The following FER1L6 variants were observed in gnomAD, a reference collection of about 807,000 sequenced individuals.
FER1L6 encodes fer-1-like protein 6.
Under a neutral mutation model 219.2 loss-of-function variants are expected in FER1L6, and 177 were observed. That is an observed-to-expected ratio of 0.81 (90% CI 0.71 to 0.91). FER1L6 has a LOEUF of 0.91. FER1L6 is among the 40% of genes least tolerant of loss of function. FER1L6 has a pLI of 0.00. For synonymous variants in FER1L6, 768 were observed against 824.3 expected (o/e 0.93, Z 1.17); for missense variants, 2,153 against 2,259.9 (o/e 0.95, Z 0.96).
rs1823020140 is a variant in FER1L6 at position 124,111,439 on chromosome 8, G to C, written c.5290-7405G>C. The stretch of plus-strand genomic sequence containing the variant: ...CTCTTGTTATAGGAAAGGGGTCCCA[G>C]CCCAGACCCCAAGAGAGGGCTCTTG... On this transcript the variant is annotated intron_variant, in intron 39 of 40. Coordinates refer to ENST00000522917, the MANE Select transcript of FER1L6 (RefSeq NM_001039112.2). This position sits in a 1 kb window ranked among gnomAD's most constrained non-coding sequence, Gnocchi z 5.0. Among the ~76,000 whole-genome samples, 1 of 152,174 alleles carries C rather than the reference G, an allele frequency of 6.6e-6. No individual in the cohort carries two copies. Among genetic ancestry groups the C allele is most frequent in the African/African-American group, 2.4e-5 (1 of 41,430 alleles).
chr8:123,978,339 G>A (rs768949367), intron 10 of FER1L6, among the ~76,000 whole-genome samples: 2 of 152,096 alleles, frequency 1.3e-5, no homozygotes, highest in Non-Finnish European at 1.5e-5. Flanking sequence ...GCCTGAGAGC[G>A]CAGGAATAGC....
At chr8:123,893,531 G>A (rs887937291) in intron 1 of FER1L6, among the ~76,000 whole-genome samples, 1 of 152,170 alleles carries the variant, frequency 6.6e-6, no homozygotes, top group African/African-American at 2.4e-5. Context: ...CAGGATTTGA[G>A]TCATATTTCT....
intron 1 of FER1L6, among the ~76,000 whole-genome samples, chr8:123,885,635 C>T (rs2129678238): frequency 6.6e-6 from 1 of 152,286 alleles, no homozygotes; most frequent in Non-Finnish European, 1.5e-5. Flanking sequence ...CCACAGGAAG[C>T]TGTTCAATGT....
chr8:123,874,100 A>G (rs959086736), intron 1 of FER1L6, among the ~76,000 whole-genome samples: 3 of 152,122 alleles, frequency 2.0e-5, no homozygotes, highest in Admixed American at 6.5e-5. Flanking sequence ...CTTTCTATCT[A>G]TCCTTTGCCT....
intron 1 of FER1L6, among the ~76,000 whole-genome samples, chr8:123,875,807 T>A (rs1816997017): frequency 6.6e-6 from 1 of 152,154 alleles, no homozygotes; most frequent in African/African-American, 2.4e-5. Context: ...CTTTCATACA[T>A]ACCATTTCCA....
At chr8:123,927,124 T>C (rs4871431) in intron 1 of FER1L6, among the ~76,000 whole-genome samples, 61,191 of 150,890 alleles carry the variant, frequency 0.41, 12,777 homozygotes, top group South Asian at 0.52. Context: ...CAGAGAACTT[T>C]TGTAATTTGC....
chr8:123,963,865 G>T (rs1020593000), intron 3 of FER1L6, among the ~76,000 whole-genome samples: 4 of 152,230 alleles, frequency 2.6e-5, no homozygotes, highest in Non-Finnish European at 5.9e-5. Context: ...CCCCAGATCT[G>T]TGGCTTAATA....
At chr8:123,902,053 T>C (rs1812868712) in intron 1 of FER1L6, among the ~76,000 whole-genome samples, 1 of 152,140 alleles carries the variant, frequency 6.6e-6, no homozygotes, top group Non-Finnish European at 1.5e-5. Context: ...CATCTTGATT[T>C]CGTTTTTGAC....
chr8:124,119,824 C>A lies in FER1L6; in HGVS notation c.*34C>A. The A allele has an allele frequency of 6.2e-7, 1 of 1,601,718 alleles. No individual in the cohort carries two copies. Among genetic ancestry groups the A allele is most frequent in the Non-Finnish European group, 8.5e-7 (1 of 1,173,792 alleles). On this transcript the variant is annotated 3_prime_UTR_variant, in exon 41 of 41. Transcript: ENST00000522917. ...GGAGGACCCAGATCCTCGCCATATACTAATCCTCTCTTCCTTATCTGGGAG... is the reference window on the plus strand; with the variant it reads ...GGAGGACCCAGATCCTCGCCATATAATAATCCTCTCTTCCTTATCTGGGAG...
chr8:124,021,731 T>C, intron 17 of FER1L6, 62 bp downstream of exon 17: 1 of 1,593,246 alleles, frequency 6.3e-7, no homozygotes, highest in Non-Finnish European at 8.6e-7. Flanking sequence ...CCAGGGAGGT[T>C]TGAATGGTTG....
intron 1 of FER1L6, among the ~76,000 whole-genome samples, chr8:123,875,269 A>G (rs1309982968): frequency 2.0e-5 from 3 of 152,120 alleles, no homozygotes; most frequent in African/African-American, 4.8e-5. Context: ...CTATTTTCCA[A>G]TTCTCTCTTG....
intron 1 of FER1L6, among the ~76,000 whole-genome samples, chr8:123,936,625 T>C (rs545518855): frequency 6.8e-4 from 103 of 152,286 alleles, no homozygotes; most frequent in African/African-American, 2.5e-3. Context: ...ATATGTAGCA[T>C]TCATGCTGTC....
At chr8:123,906,752 A>G (rs1218406118) in intron 1 of FER1L6, among the ~76,000 whole-genome samples, 2 of 151,596 alleles carry the variant, frequency 1.3e-5, no homozygotes, top group Non-Finnish European at 2.9e-5. Context: ...GTGAACCAAG[A>G]TCACGCCACT....
At chr8:123,876,411 T>G (rs954546361) in intron 1 of FER1L6, among the ~76,000 whole-genome samples, 2 of 152,102 alleles carry the variant, frequency 1.3e-5, no homozygotes, top group African/African-American at 2.4e-5. Context: ...CTTGACCTCC[T>G]GGGCTCAAGA....
intron 8 of FER1L6, 35 bp from the exon 9 acceptor site, chr8:123,975,863 G>T: frequency 6.7e-7 from 1 of 1,496,652 alleles, no homozygotes; most frequent in Non-Finnish European, 9.0e-7. Context: ...CTTCAATTGA[G>T]AGAGCTTTTT....
At chr8:123,996,003 A>G (rs1817114973) in intron 12 of FER1L6, among the ~76,000 whole-genome samples, 1 of 152,172 alleles carries the variant, frequency 6.6e-6, no homozygotes, top group Non-Finnish European at 1.5e-5. Flanking sequence ...GTCTTATTCT[A>G]TTGTAATCAG....
Position 123,898,868 on chromosome 8 carries a change from CAT to C in FER1L6, c.-8+46696_-8+46697del, listed in dbSNP as rs530314634. On this transcript the variant is annotated intron_variant, in intron 1 of 40. Coordinates refer to ENST00000522917, the MANE Select transcript of FER1L6 (RefSeq NM_001039112.2). ...ATATATACACACACACACACACACA[CAT>C]ATATATATATATCAGTTTTTTATCC... 1.7e-3 allele frequency among the ~76,000 whole-genome samples: 193 copies of C among 112,138 alleles called. 1 individual carries two copies. The highest frequency in any genetic ancestry group is 4.6e-3 in the African/African-American group (154 of 33,812). The allele number at this position is 112,138 out of a possible 152,430, so 73.6% of individuals were successfully genotyped here.
At chr8:123,935,729 T>G (rs548719431) in intron 1 of FER1L6, among the ~76,000 whole-genome samples, 1 of 152,264 alleles carries the variant, frequency 6.6e-6, no homozygotes, top group Admixed American at 6.5e-5. Flanking sequence ...ATATGGTAAT[T>G]AAAACCACAA....
At chr8:124,004,446 GCTCCTCAGTCCCT>G (rs1817569207) in intron 13 of FER1L6, among the ~76,000 whole-genome samples, 1 of 152,074 alleles carries the variant, frequency 6.6e-6, no homozygotes, top group Non-Finnish European at 1.5e-5. Context: ...ACATCTCTAC[GCTCCTCAGTCCCT>G]CTGCTCTTTT....
Sources: allele counts gnomAD v4.1 joint callset (sites outside exome capture counted in the v4.1 genomes callset), GRCh38; gene constraint gnomAD v4.1.1; non-coding constraint Gnocchi (gnomAD v3.1); transcripts MANE v1.5; gene names NCBI Gene and HGNC (gene_info 2026-07-23, HGNC 2026-07-21).